RHOBTB1: variants seen among roughly 807,000 people sequenced by gnomAD.
The protein encoded by RHOBTB1 is rho-related BTB domain-containing protein 1.
In RHOBTB1, 40 loss-of-function variants were observed where a neutral mutation model predicts 71.6. The observed-to-expected ratio is 0.56, with a 90% CI of 0.43 to 0.73. The LOEUF is 0.73. Among genes scored for constraint, RHOBTB1 ranks in the 30% least tolerant of loss-of-function variants. The pLI is 0.00. For missense variants in RHOBTB1, 797 were observed against 894.0 expected, an observed-to-expected ratio of 0.89 and a Z score of 1.38; for synonymous variants, 319 against 334.9, an observed-to-expected ratio of 0.95 and a Z score of 0.52.
intron 2 of RHOBTB1, among the ~76,000 whole-genome samples, chr10:60,959,867 T>C (rs2085719796): frequency 6.6e-6 from 1 of 152,208 alleles, no homozygotes; most frequent in Admixed American, 6.5e-5. Context: ...CCTCAAAGTG[T>C]TTCTTTGAAG....
In RHOBTB1 at chr10:60,897,648, G is replaced by A. The variant is rs1015057522; in HGVS notation, c.297-4653C>T. 2.0e-5 allele frequency among the ~76,000 whole-genome samples: 3 copies of A among 152,160 alleles called. No individual in the cohort carries two copies. The East Asian group carries it at 5.8e-4, about 29-fold the overall frequency. On this transcript the variant is annotated intron_variant, in intron 4 of 10. Coordinates refer to ENST00000337910, the MANE Select transcript of RHOBTB1 (RefSeq NM_014836.5). ...TTCTCCAGTTTGTCTGAGTCTGGTTGGGTCTCTTGATACAGTAACACTTGG... is the reference window on the plus strand; with the variant it reads ...TTCTCCAGTTTGTCTGAGTCTGGTTAGGTCTCTTGATACAGTAACACTTGG...
rs188696240 is a variant in RHOBTB1 at position 60,999,412 on chromosome 10, G to A, written c.-163+1987C>T. Among the ~76,000 whole-genome samples the A allele has an allele frequency of 3.4e-3, 523 of 152,280 alleles. 4 individuals carry two copies. Among genetic ancestry groups the A allele is most frequent in the African/African-American group, 0.012 (500 of 41,562 alleles). On this transcript the variant is annotated intron_variant, in intron 1 of 11. Coordinates refer to the RHOBTB1 transcript ENST00000357917. ...ATCAGTATTTATACTTAAAAGTAGC[G>A]TATAAGAAACGGGTTTTACTCTAGG... is the stretch of plus-strand genomic sequence containing the variant.
chr10:60,954,030 A>G (rs1170604805), intron 2 of RHOBTB1, among the ~76,000 whole-genome samples: 3 of 152,178 alleles, frequency 2.0e-5, no homozygotes, highest in African/African-American at 7.2e-5. Flanking sequence ...AAACTTGGCT[A>G]ATTATAACCA....
At chr10:60,903,855 T>C (rs1445892219) in intron 4 of RHOBTB1, among the ~76,000 whole-genome samples, 2 of 152,228 alleles carry the variant, frequency 1.3e-5, no homozygotes, top group Non-Finnish European at 2.9e-5. Flanking sequence ...GATTTACGTT[T>C]TCAACGAGAC....
chr10:60,981,741 T>TA (rs1429740875), intron 2 of RHOBTB1, among the ~76,000 whole-genome samples: 1 of 152,132 alleles, frequency 6.6e-6, no homozygotes, highest in Admixed American at 6.6e-5. Flanking sequence ...CAGCAAAAGT[T>TA]AAAAAATTAA....
downstream of RHOBTB1, among the ~76,000 whole-genome samples, chr10:60,864,831 C>T (rs1202230104): frequency 1.3e-5 from 2 of 152,122 alleles, no homozygotes; most frequent in African/African-American, 4.8e-5. Context: ...GCTAGGATTA[C>T]ATGTGCCTGC....
chr10:60,871,742 T>C, intron 10 of RHOBTB1, 91 bp from the exon 11 acceptor site: 1 of 1,242,314 alleles, frequency 8.0e-7, no homozygotes, highest in Non-Finnish European at 1.1e-6. Context: ...TCAAATATCC[T>C]CTCAAAAACG....
Position 60,889,147 on chromosome 10 carries a change from C to T in RHOBTB1, c.521G>A (p.Gly174Asp). 3 of 1,612,990 alleles carry T rather than the reference C, an allele frequency of 1.9e-6. No individual in the cohort carries two copies. Among genetic ancestry groups the T allele is most frequent in the East Asian group, 4.5e-5 (2 of 44,876 alleles). ...GCCAAGTTCCTTTGCTACCTCTCGG[C>T]CTTTTTCTGGGGGCAAAATATCCCC... is the stretch of plus-strand genomic sequence containing the variant. Reference protein sequence around the residue: ...KRGDILPPEKGREVAKELGLP... With the variant: ...KRGDILPPEKDREVAKELGLP... Residue 174 changes from glycine to aspartate, a missense_variant, in exon 6 of 11, where the codon GGC (glycine) becomes GAC (aspartate). By Grantham distance (94) the Gly-to-Asp change is moderately conservative (BLOSUM62 -1). This residue lies in a region of RHOBTB1 where 658 missense variants were observed against 681.5 expected (regional missense o/e 0.97). Coordinates refer to ENST00000337910, the MANE Select transcript of RHOBTB1 (RefSeq NM_014836.5).
At chr10:60,961,745 A>G (rs2085785703) in intron 2 of RHOBTB1, among the ~76,000 whole-genome samples, 1 of 152,058 alleles carries the variant, frequency 6.6e-6, no homozygotes, top group African/African-American at 2.4e-5. Context: ...AAGGAAGATA[A>G]GTTATTTTTC....
intron 1 of RHOBTB1, among the ~76,000 whole-genome samples, chr10:60,992,999 C>T (rs1437163223): frequency 6.6e-6 from 1 of 152,150 alleles, no homozygotes; most frequent in Non-Finnish European, 1.5e-5. Flanking sequence ...GCAGGAATAA[C>T]TTGCTTTAGT....
At chr10:60,889,455 A>G (rs1320920167) in intron 5 of RHOBTB1, among the ~76,000 whole-genome samples, 1 of 152,204 alleles carries the variant, frequency 6.6e-6, no homozygotes, top group Non-Finnish European at 1.5e-5. Flanking sequence ...GTTATTATAA[A>G]TGGCATTGTT....
At chr10:60,900,748 T>C (rs2082377027) in intron 4 of RHOBTB1, among the ~76,000 whole-genome samples, 1 of 152,216 alleles carries the variant, frequency 6.6e-6, no homozygotes, top group Non-Finnish European at 1.5e-5. Context: ...AGAGAATCAC[T>C]TGGAACTTCA....
chr10:60,926,316 T>C (rs1259563205), intron 2 of RHOBTB1, among the ~76,000 whole-genome samples: 2 of 152,130 alleles, frequency 1.3e-5, no homozygotes. Context: ...GAAGAATTAA[T>C]AGCAATCCTA....
chr10:60,861,584 A>T, the RHOBTB1 span, among the ~76,000 whole-genome samples: 1 of 152,260 alleles, frequency 6.6e-6, no homozygotes, highest in South Asian at 2.1e-4. Flanking sequence ...TTAAGACAGG[A>T]CAGAGATCCT....
Position 60,931,167 on chromosome 10 carries a change from T to C in RHOBTB1, c.-11+10637A>G, listed in dbSNP as rs548790751. 6.6e-5 allele frequency among the ~76,000 whole-genome samples: 10 copies of C among 152,340 alleles called. No homozygotes were observed. In the South Asian group the frequency reaches 1.9e-3, roughly 28 times the overall value. On this transcript the variant is annotated intron_variant, in intron 2 of 10. Coordinates refer to ENST00000337910, the MANE Select transcript of RHOBTB1 (RefSeq NM_014836.5). ...TTTCTACAATGCACGTCTTATTTTT[T>C]TAAAAAAATGTGAGATAAAATCCAC...
rs374686856 is a variant in RHOBTB1 at position 60,925,329 on chromosome 10, G to A, written c.-10-13777C>T. ...AGAAAAGACTAATATGCTCCTGAATGAATGTTGAGTCATTGAAGAAAGTAA... is the reference window on the plus strand; with the variant it reads ...AGAAAAGACTAATATGCTCCTGAATAAATGTTGAGTCATTGAAGAAAGTAA... On this transcript the variant is annotated intron_variant, in intron 2 of 10. Coordinates refer to ENST00000337910, the MANE Select transcript of RHOBTB1 (RefSeq NM_014836.5). 5.9e-4 allele frequency among the ~76,000 whole-genome samples: 90 copies of A among 152,264 alleles called. 2 individuals are homozygous for A. In the East Asian group the frequency reaches 8.5e-3, roughly 14 times the overall value.
intron 2 of RHOBTB1, among the ~76,000 whole-genome samples, chr10:60,955,258 G>T (rs1229940538): frequency 6.6e-6 from 1 of 151,762 alleles, no homozygotes; most frequent in East Asian, 1.9e-4. Flanking sequence ...GGCAAGGCTG[G>T]TCTTGAACTC....
intron 2 of RHOBTB1, among the ~76,000 whole-genome samples, chr10:60,914,229 A>G (rs1245634534): frequency 1.3e-5 from 2 of 152,172 alleles, no homozygotes. Flanking sequence ...ACAGTTAATG[A>G]GAAGATAATA....
rs1589133552 is a variant in RHOBTB1, at chr10:60,870,858, G to A, written c.*624C>T. 2.0e-5 allele frequency: 3 copies of A among 152,562 alleles called. No individual in the cohort carries two copies. The highest frequency in any genetic ancestry group is 1.3e-4 in the Admixed American group (2 of 15,272). The allele number at this position is 152,562 out of a possible 1,614,324, so 9.5% of individuals were successfully genotyped here. The stretch of plus-strand genomic sequence containing the variant: ...CCATATAATTACCAGCACTTAACAT[G>A]GCAAATATTGTAAATACACATTCTT... On this transcript the variant is annotated 3_prime_UTR_variant, in exon 11 of 11. Transcript: ENST00000337910.
Sources: allele counts gnomAD v4.1 joint callset (sites outside exome capture counted in the v4.1 genomes callset), GRCh38; gene constraint gnomAD v4.1.1; regional missense constraint gnomAD v4.1.1; transcripts MANE v1.5; gene names NCBI Gene and HGNC (gene_info 2026-07-23, HGNC 2026-07-21).